EYS: variants seen among roughly 807,000 people sequenced by gnomAD.
EYS encodes EGF-like photoreceptor maintenance factor, also known as protein eyes shut homolog.
A neutral mutation model predicts 282.1 loss-of-function variants in EYS; 250 were observed. The observed-to-expected ratio is 0.89, with a 90% CI of 0.80 to 0.98. The LOEUF (loss-of-function observed/expected upper bound fraction) is 0.98, where lower values mean the gene tolerates loss of function less well. EYS is among the 50% of genes least tolerant of loss of function. The pLI is 0.00. For missense variants in EYS, 4,016 were observed against 3,709.0 expected (o/e 1.08, Z -2.15); for synonymous variants, 1,355 against 1,282.9 (o/e 1.06, Z -1.20).
intron 12 of EYS, among the ~76,000 whole-genome samples, chr6:65,274,230 C>A (rs1767980048): frequency 6.6e-6 from 1 of 152,086 alleles, no homozygotes; most frequent in Non-Finnish European, 1.5e-5. Flanking sequence ...AACTGTAAAC[C>A]AAAAGCAATA....
intron 1 of EYS, among the ~76,000 whole-genome samples, chr6:65,677,335 A>T (rs1243330976): frequency 6.6e-6 from 1 of 151,894 alleles, no homozygotes; most frequent in African/African-American, 2.4e-5. Context: ...GATCTCATAT[A>T]AAAACTGTTA....
chr6:64,045,538 TG>T (rs1028863239), intron 33 of EYS, among the ~76,000 whole-genome samples: 1 of 151,480 alleles, frequency 6.6e-6, no homozygotes, highest in African/African-American at 2.4e-5. Flanking sequence ...CTCCACTTCC[TG>T]GTTTCAAACG....
intron 35 of EYS, among the ~76,000 whole-genome samples, chr6:63,891,839 C>T (rs1036913396): frequency 2.0e-5 from 3 of 152,210 alleles, no homozygotes; most frequent in Admixed American, 1.3e-4. Context: ...ACCCCATTGT[C>T]TCAGCCCAAA....
At position 65,002,036 on chromosome 6, in the gene EYS, T is replaced by G. The variant is rs1305501514; in HGVS notation, c.2138-4333A>C. Reference sequence around the variant, plus strand: ...AAAAAATCATATATTAAAATATTTATGAAGAACTTTTAAAAGTCAAATATA... The same window carrying G: ...AAAAAATCATATATTAAAATATTTAGGAAGAACTTTTAAAAGTCAAATATA... On this transcript the variant is annotated intron_variant, in intron 13 of 42. Transcript: ENST00000503581. Among the ~76,000 whole-genome samples the G allele has an allele frequency of 1.9e-5, 2 of 103,226 alleles. 1 individual carries two copies. Among genetic ancestry groups the G allele is most frequent in the Non-Finnish European group, 4.1e-5 (2 of 48,602 alleles). 67.7% of individuals were successfully genotyped at this position (103,226 alleles called of 152,430 possible).
intron 8 of EYS, among the ~76,000 whole-genome samples, chr6:65,354,887 A>C (rs1764423051): frequency 1.3e-5 from 2 of 152,124 alleles, no homozygotes; most frequent in Non-Finnish European, 2.9e-5. Context: ...TAATTATATT[A>C]AATGATTACC....
rs1398954702 is a variant in EYS, at chr6:63,963,394, ATAC to A, written c.7055+20986_7055+20988del. Among the ~76,000 whole-genome samples the A allele has an allele frequency of 3.5e-4, 53 of 152,364 alleles. 1 individual carries two copies. Among genetic ancestry groups the A allele is most frequent in the Admixed American group, 1.4e-3 (22 of 15,294 alleles). ...ACTAAAAAAAGTGCATAAATACTGT[ATAC>A]AAGGAGAAAAGAAATATTCATTTAA... On this transcript the variant is annotated intron_variant, in intron 35 of 42. Transcript: ENST00000503581.
chr6:64,811,786 C>T (rs1416318526), intron 22 of EYS, among the ~76,000 whole-genome samples: 1 of 152,118 alleles, frequency 6.6e-6, no homozygotes, highest in Non-Finnish European at 1.5e-5. Flanking sequence ...CTATGCCATG[C>T]TCTTGGGCTT....
chr6:64,368,526 C>G (rs1772250572), intron 29 of EYS, among the ~76,000 whole-genome samples: 1 of 152,032 alleles, frequency 6.6e-6, no homozygotes, highest in South Asian at 2.1e-4. Context: ...TGCATTGTCA[C>G]CAGCAGTATA....
At chr6:64,615,558 T>C (rs1044843967) in intron 24 of EYS, among the ~76,000 whole-genome samples, 1 of 152,140 alleles carries the variant, frequency 6.6e-6, no homozygotes, top group African/African-American at 2.4e-5. Flanking sequence ...TTCTTAGGAA[T>C]ATCTAATTTA....
chr6:63,909,155 A>C (rs1217419934), intron 35 of EYS, among the ~76,000 whole-genome samples: 1 of 152,210 alleles, frequency 6.6e-6, no homozygotes, highest in Non-Finnish European at 1.5e-5. Context: ...AGTGGTTCTG[A>C]AAATGCCCTC....
intron 2 of EYS, among the ~76,000 whole-genome samples, chr6:65,559,099 G>A (rs1768931047): frequency 6.6e-6 from 1 of 152,214 alleles, no homozygotes; most frequent in African/African-American, 2.4e-5. Context: ...AGGTGCAGTG[G>A]CTCATGCCTG....
chr6:65,244,027 C>T (rs780432221), intron 12 of EYS, among the ~76,000 whole-genome samples: 1 of 152,144 alleles, frequency 6.6e-6, no homozygotes, highest in African/African-American at 2.4e-5. Flanking sequence ...CTCTTCTCTC[C>T]ATCCCTTCAT....
At chr6:64,657,740 G>C (rs1017502738) in intron 22 of EYS, among the ~76,000 whole-genome samples, 3 of 152,142 alleles carry the variant, frequency 2.0e-5, no homozygotes, top group African/African-American at 7.2e-5. Flanking sequence ...AGTCTGATGG[G>C]CTTCCCCTTG....
intron 2 of EYS, among the ~76,000 whole-genome samples, chr6:65,528,882 A>C (rs1004239472): frequency 6.6e-6 from 1 of 152,180 alleles, no homozygotes; most frequent in Non-Finnish European, 1.5e-5. Context: ...TTAAGAAATA[A>C]ACTTCTAGGT....
intron 31 of EYS, among the ~76,000 whole-genome samples, chr6:64,124,570 G>A (rs911321402): frequency 6.6e-5 from 10 of 152,130 alleles, no homozygotes; most frequent in African/African-American, 2.4e-4. Flanking sequence ...GAAGACAAAT[G>A]TTTATGCCAT....
intron 12 of EYS, among the ~76,000 whole-genome samples, chr6:65,059,386 A>G (rs1773506415): frequency 1.3e-5 from 2 of 152,116 alleles, no homozygotes; most frequent in South Asian, 2.1e-4. Flanking sequence ...TTTGCTATTT[A>G]GCCTTAACAA....
At chr6:63,816,290 G>T (rs190026176) in intron 36 of EYS, among the ~76,000 whole-genome samples, 34 of 152,178 alleles carry the variant, frequency 2.2e-4, no homozygotes, top group African/African-American at 8.2e-4. Flanking sequence ...AACTATAATG[G>T]AGTATTATAG....
At chr6:65,225,099 C>T (rs1393032191) in intron 12 of EYS, among the ~76,000 whole-genome samples, 1 of 151,638 alleles carries the variant, frequency 6.6e-6, no homozygotes, top group Admixed American at 6.6e-5. Context: ...ACCCTTAATA[C>T]CAAAGTCAAA....
At chr6:65,012,935 T>C (rs890013507) in intron 13 of EYS, among the ~76,000 whole-genome samples, 8 of 151,900 alleles carry the variant, frequency 5.3e-5, no homozygotes, top group African/African-American at 1.9e-4. Flanking sequence ...GTATAGAGAA[T>C]TCAAATAGAA....
Sources: gnomAD v4.1 joint callset for allele counts (sites outside exome capture counted in the v4.1 genomes callset) on GRCh38, gnomAD v4.1.1 for gene constraint, MANE v1.5 for transcripts, NCBI Gene and HGNC (gene_info 2026-07-23, HGNC 2026-07-21) for gene names.